Variants in EPB41L5 observed in about 807,000 individuals in gnomAD.
The protein encoded by EPB41L5 is band 4.1-like protein 5.
Under a neutral mutation model 106.6 loss-of-function variants are expected in EPB41L5, and 55 were observed. The observed-to-expected ratio is 0.52, with a 90% CI of 0.42 to 0.65. EPB41L5 has a LOEUF of 0.65. Among genes scored for constraint, EPB41L5 ranks in the 30% least tolerant of loss-of-function variants. The pLI, the probability that EPB41L5 is intolerant of heterozygous loss-of-function variation, is 0.00. For missense variants in EPB41L5, 871 were observed against 882.1 expected (o/e 0.99, Z 0.16); for synonymous variants, 297 against 306.7 (o/e 0.97, Z 0.33).
At chr2:120,087,315 G>A (rs1342215203) in intron 11 of EPB41L5, 75 bp downstream of exon 11, 9 of 853,484 alleles carry the variant, frequency 1.1e-5, no homozygotes. Flanking sequence ...TCTAAAAGAG[G>A]GAATGTACCT....
At chr2:120,102,869 A>G (rs573449676) in intron 16 of EPB41L5, among the ~76,000 whole-genome samples, 6 of 152,334 alleles carry the variant, frequency 3.9e-5, no homozygotes, top group Admixed American at 3.9e-4. Flanking sequence ...AAGCAACAAC[A>G]GAAACAAAAC....
intron 16 of EPB41L5, chr2:120,104,014 T>C (rs1684299945): frequency 7.5e-6 from 11 of 1,474,928 alleles, no homozygotes; most frequent in Non-Finnish European, 6.3e-6. Flanking sequence ...TTTTCTCCTA[T>C]TCCTATTGAC....
In EPB41L5 at chr2:120,175,114, G is replaced by A; in HGVS notation, c.*207G>A. 1 of 563,840 alleles carries A rather than the reference G, an allele frequency of 1.8e-6. No homozygotes were observed. Among genetic ancestry groups the A allele is most frequent in the Admixed American group, 3.0e-5 (1 of 33,630 alleles). The allele number at this position is 563,840 out of a possible 1,614,324, so 34.9% of individuals were successfully genotyped here. The stretch of plus-strand genomic sequence containing the variant: ...ACTGCATAGCTGCCCAAAAGAGAGT[G>A]TTTGGTCTTGAACTTTCTATACTTT... On this transcript the variant is annotated 3_prime_UTR_variant, in exon 25 of 25. Transcript: ENST00000263713.
chr2:120,107,604 C>T (rs1684525606), intron 16 of EPB41L5, among the ~76,000 whole-genome samples: 1 of 152,104 alleles, frequency 6.6e-6, no homozygotes, highest in South Asian at 2.1e-4. Flanking sequence ...CCAGCCTCTT[C>T]CCCTACCCCC....
At chr2:120,167,719 C>A in intron 23 of EPB41L5, among the ~76,000 whole-genome samples, 158 bp from the exon 24 acceptor site, 1 of 152,214 alleles carries the variant, frequency 6.6e-6, no homozygotes, top group Admixed American at 6.5e-5. Context: ...GTAAAAGTCT[C>A]AGATGAAGAA....
At position 120,175,175 on chromosome 2, in the gene EPB41L5, CT is replaced by C; in HGVS notation, c.*273del. On this transcript the variant is annotated 3_prime_UTR_variant, in exon 25 of 25. Coordinates refer to ENST00000263713, the MANE Select transcript of EPB41L5 (RefSeq NM_020909.4). Reference sequence around the variant, plus strand: ...ACAAATTCCCGAAAGAAGGGAATTTCTTTTTCTGGGGTTTCCTTCAAACTCT... The same window carrying C: ...ACAAATTCCCGAAAGAAGGGAATTTCTTTTCTGGGGTTTCCTTCAAACTCT... 2.3e-6 allele frequency: 1 copy of C among 427,364 alleles called. No homozygotes were observed. The highest frequency in any genetic ancestry group is 4.3e-6 in the Non-Finnish European group (1 of 230,400). The allele number at this position is 427,364 out of a possible 1,614,324, so 26.5% of individuals were successfully genotyped here. A position where few individuals can be genotyped will look rare whatever the true frequency, so the allele number is the denominator to read the frequency against.
intron 2 of EPB41L5, among the ~76,000 whole-genome samples, chr2:120,037,392 A>G (rs1679107071): frequency 6.6e-6 from 1 of 152,244 alleles, no homozygotes; most frequent in African/African-American, 2.4e-5. Context: ...TGTTATTTGC[A>G]GAAATAGAAA....
At chr2:120,046,435 G>C (rs531521798) in intron 3 of EPB41L5, among the ~76,000 whole-genome samples, 1 of 151,758 alleles carries the variant, frequency 6.6e-6, no homozygotes, top group Non-Finnish European at 1.5e-5. Flanking sequence ...TCATGTGTCT[G>C]TTGGCTGCAT....
rs544882491 is a variant in EPB41L5 at position 120,061,379 on chromosome 2, C to T, written c.286-11799C>T. Among the ~76,000 whole-genome samples the T allele has an allele frequency of 5.1e-3, 774 of 151,184 alleles. 4 individuals are homozygous for T. Among genetic ancestry groups the T allele is most frequent in the African/African-American group, 0.018 (745 of 41,204 alleles). ...CTGGGACTACAGGCGCCCGCCACTA[C>T]GCCCGGCTAATTTTTTTGTATTTTT... On this transcript the variant is annotated intron_variant, in intron 3 of 24. Transcript: ENST00000263713.
Position 120,019,251 on chromosome 2 carries a change from G to C in EPB41L5, c.167G>C (p.Ser56Thr), listed in dbSNP as rs766973777. The C allele has an allele frequency of 1.2e-5, 19 of 1,608,122 alleles. No individual in the cohort carries two copies. Among genetic ancestry groups the C allele is most frequent in the Non-Finnish European group, 1.5e-5 (18 of 1,178,406 alleles). The change falls in exon 2 of 25, where the codon AGT becomes ACT. Residue 56 changes from serine (S) to threonine (T), a missense_variant. By Grantham distance (58) the Ser-to-Thr change is moderately conservative. Transcript: ENST00000263713. ...RVSLLDGTDV[S>T]VDLPKKAKGQ... ...TCCCTTCTGGATGGTACTGATGTTA[G>C]TGTGGACTTGCCAGTAAGTAGGTCT...
At chr2:120,096,056 C>G (rs1683733812) in intron 14 of EPB41L5, among the ~76,000 whole-genome samples, 1 of 152,084 alleles carries the variant, frequency 6.6e-6, no homozygotes, top group Non-Finnish European at 1.5e-5. Context: ...GTATTAGAGT[C>G]TCCTAGAATG....
intron 2 of EPB41L5, among the ~76,000 whole-genome samples, chr2:120,039,551 C>T (rs536561979): frequency 3.2e-4 from 48 of 152,086 alleles, no homozygotes; most frequent in African/African-American, 9.4e-4. Flanking sequence ...TGTGGCCAGG[C>T]GTGGTGGCTC....
chr2:120,087,945 T>C (rs1025133081), intron 11 of EPB41L5, among the ~76,000 whole-genome samples: 1 of 152,214 alleles, frequency 6.6e-6, no homozygotes, highest in Non-Finnish European at 1.5e-5. Context: ...AGAAGCCAGA[T>C]TTAAAAAATT....
chr2:120,118,241 A>T (rs1421727497), intron 16 of EPB41L5, among the ~76,000 whole-genome samples: 1 of 152,136 alleles, frequency 6.6e-6, no homozygotes, highest in East Asian at 1.9e-4. Context: ...AATTATGTCA[A>T]CCTCACTTTT....
intron 2 of EPB41L5, 35 bp downstream of exon 2, chr2:120,019,299 G>C: frequency 6.4e-7 from 1 of 1,571,596 alleles, no homozygotes; most frequent in South Asian, 1.1e-5. Flanking sequence ...AATTCTGTTT[G>C]CGATTACTGT....
chr2:120,115,125 T>C (rs1257745665), intron 16 of EPB41L5, among the ~76,000 whole-genome samples: 1 of 152,194 alleles, frequency 6.6e-6, no homozygotes, highest in Non-Finnish European at 1.5e-5. Flanking sequence ...TTTTCCTTTT[T>C]ATTTCAGTCT....
At chr2:120,041,900 A>G (rs1352776264) in intron 2 of EPB41L5, 106 bp from the exon 3 acceptor site, 2 of 704,316 alleles carry the variant, frequency 2.8e-6, no homozygotes, top group African/African-American at 3.6e-5. Context: ...TGGTATTGCA[A>G]GTCCTCCTTT....
intron 20 of EPB41L5, among the ~76,000 whole-genome samples, chr2:120,154,098 T>C (rs115599365): frequency 0.021 from 3,215 of 152,040 alleles, 113 homozygotes; most frequent in African/African-American, 0.073. Flanking sequence ...GTTTAACGTT[T>C]TTTTTTTTCA....
chr2:120,103,698 G>A (rs1448854906), intron 16 of EPB41L5, among the ~76,000 whole-genome samples: 2 of 152,124 alleles, frequency 1.3e-5, no homozygotes, highest in East Asian at 3.9e-4. Context: ...AGTAGATTAT[G>A]AATATTTTTT....
Sources: gnomAD v4.1 joint callset for allele counts (sites outside exome capture counted in the v4.1 genomes callset) on GRCh38, gnomAD v4.1.1 for gene constraint, MANE v1.5 for transcripts, NCBI Gene and HGNC (gene_info 2026-07-23, HGNC 2026-07-21) for gene names.